OPCML: variants seen among roughly 807,000 people sequenced by gnomAD.
OPCML encodes the protein opioid-binding protein/cell adhesion molecule.
OPCML carries 13 observed loss-of-function variants against 37.8 expected under a neutral mutation model. That is an observed-to-expected ratio of 0.34 (90% CI 0.22 to 0.55). OPCML has a LOEUF of 0.55. Among genes scored for constraint, OPCML ranks in the 20% least tolerant of loss-of-function variants. The pLI is 0.91. For missense variants in OPCML, 341 were observed against 435.6 expected (o/e 0.78, Z 1.93); for synonymous variants, 176 against 168.8 (o/e 1.04, Z -0.33).
At chr11:133,121,388 C>T (rs1049902162) in intron 1 of OPCML, among the ~76,000 whole-genome samples, 17 of 152,190 alleles carry the variant, frequency 1.1e-4, no homozygotes, top group African/African-American at 4.1e-4. Context: ...TAGTGAATGC[C>T]TGCCAAGAAT....
At chr11:133,421,179 A>T (rs1268050274) in intron 1 of OPCML, 1 of 985,312 alleles carries the variant, frequency 1.0e-6, no homozygotes, top group Non-Finnish European at 1.2e-6. Context: ...CTGTATAATG[A>T]TAGCTCTCAG....
intron 1 of OPCML, among the ~76,000 whole-genome samples, chr11:133,278,145 G>A (rs1307496013): frequency 6.6e-6 from 1 of 152,110 alleles, no homozygotes; most frequent in Non-Finnish European, 1.5e-5. Flanking sequence ...GCTCTTTTAA[G>A]CCTGCTTGAA....
At position 132,420,027 on chromosome 11, in the gene OPCML, GCT is replaced by G; in HGVS notation, c.*164_*165del. The G allele has an allele frequency of 3.9e-6, 1 of 254,274 alleles. No homozygotes were observed. 15.8% of individuals were successfully genotyped at this position (254,274 alleles called of 1,614,324 possible). A position where few individuals can be genotyped will look rare whatever the true frequency, so the allele number is the denominator to read the frequency against. Reference sequence around the variant, plus strand: ...CCCGCCCCCAACCCCACTCATTCAAGCTGGAAATAAAAGCAAACAAACAAATA... The same window carrying G: ...CCCGCCCCCAACCCCACTCATTCAAGGGAAATAAAAGCAAACAAACAAATA... On this transcript the variant is annotated 3_prime_UTR_variant, in exon 8 of 8. Coordinates refer to ENST00000524381, the MANE Select transcript of OPCML (RefSeq NM_001012393.5).
At chr11:133,063,389 AAGGTCCC>A in intron 1 of OPCML, among the ~76,000 whole-genome samples, 1 of 152,116 alleles carries the variant, frequency 6.6e-6, no homozygotes, top group Non-Finnish European at 1.5e-5. Context: ...GCTCTTAGAA[AAGGTCCC>A]AGGGAGCCAC....
intron 4 of OPCML, among the ~76,000 whole-genome samples, chr11:132,505,385 T>C (rs894924246): frequency 6.6e-6 from 1 of 152,162 alleles, no homozygotes; most frequent in African/African-American, 2.4e-5. Flanking sequence ...AAGTGGTAAG[T>C]TTTATGCTAT....
intron 2 of OPCML, among the ~76,000 whole-genome samples, chr11:132,805,647 AG>A (rs1279497438): frequency 6.6e-6 from 1 of 152,224 alleles, no homozygotes; most frequent in African/African-American, 2.4e-5. Context: ...AAAGGGAAAC[AG>A]TCAGCCCAGA....
intron 2 of OPCML, among the ~76,000 whole-genome samples, chr11:132,938,042 G>C (rs1945450366): frequency 6.6e-6 from 1 of 151,918 alleles, no homozygotes; most frequent in Non-Finnish European, 1.5e-5. Flanking sequence ...CTAACCAACT[G>C]CTGTGCCTGA....
At chr11:133,374,888 G>A (rs760763925) in intron 1 of OPCML, among the ~76,000 whole-genome samples, 5 of 152,136 alleles carry the variant, frequency 3.3e-5, no homozygotes, top group Admixed American at 6.5e-5. Context: ...TTGGGTCGGC[G>A]GCAGCTGAGA....
At chr11:132,442,195 G>A (rs2096038240) in intron 4 of OPCML, among the ~76,000 whole-genome samples, 2 of 152,154 alleles carry the variant, frequency 1.3e-5, no homozygotes. Flanking sequence ...ATATTTTTCT[G>A]TATCTTAGGC....
chr11:132,841,860 CAAAAAAAAAAAAA>C (rs71067402), intron 2 of OPCML, among the ~76,000 whole-genome samples: 6 of 34,694 alleles, frequency 1.7e-4, no homozygotes, highest in Admixed American at 4.7e-4. Context: ...CACTCTATCT[CAAAAAAAAAAAAA>C]AAAAAAAAAA....
chr11:132,623,866 G>A (rs1213283447), intron 3 of OPCML, among the ~76,000 whole-genome samples: 2 of 152,188 alleles, frequency 1.3e-5, no homozygotes, highest in Non-Finnish European at 2.9e-5. Context: ...ACTGTCACAA[G>A]TTTTCATTAC....
intron 1 of OPCML, among the ~76,000 whole-genome samples, chr11:133,471,845 G>C (rs912036268): frequency 2.0e-5 from 3 of 152,206 alleles, no homozygotes; most frequent in South Asian, 2.1e-4. Flanking sequence ...GTAGAGAAAA[G>C]ACACTTGTAG....
At chr11:132,954,147 G>T (rs199854644) in intron 1 of OPCML, among the ~76,000 whole-genome samples, 16 of 128,676 alleles carry the variant, frequency 1.2e-4, no homozygotes, top group Admixed American at 1.2e-3. Context: ...TTTTTTGTTT[G>T]TTTTGTTTTT....
chr11:133,006,167 G>A (rs113962097), intron 1 of OPCML: 8 of 969,418 alleles, frequency 8.3e-6, no homozygotes, highest in African/African-American at 3.5e-5. Context: ...TACTGAGGTC[G>A]AGCCTTGGGA....
At chr11:132,794,114 G>A (rs1938137447) in intron 2 of OPCML, among the ~76,000 whole-genome samples, 4 of 152,208 alleles carry the variant, frequency 2.6e-5, no homozygotes, top group Non-Finnish European at 4.4e-5. Flanking sequence ...GTTTCCAACC[G>A]CGTGCCCTTG....
chr11:132,505,314 A>G (rs2096254273), intron 4 of OPCML, among the ~76,000 whole-genome samples: 1 of 152,182 alleles, frequency 6.6e-6, no homozygotes, highest in South Asian at 2.1e-4. Context: ...AATGACTTCT[A>G]TTGTACAGCA....
intron 1 of OPCML, among the ~76,000 whole-genome samples, chr11:133,458,509 TAC>T (rs1946758081): frequency 8.4e-6 from 1 of 119,168 alleles, no homozygotes; most frequent in South Asian, 2.3e-4. Context: ...TGTGTGTATA[TAC>T]ACATATATAC....
rs182928245 is a variant in OPCML at position 133,405,877 on chromosome 11, A to G, written c.61+126387T>C. ...CTTAGTTAAAGAGTTTCATACTCAA[A>G]ACAAAACTTGGCAGAAAGTGCAGTC... On this transcript the variant is annotated intron_variant, in intron 1 of 7. Transcript: ENST00000524381. 2.6e-5 allele frequency among the ~76,000 whole-genome samples: 4 copies of G among 152,318 alleles called. No homozygotes were observed. In the East Asian group the frequency reaches 7.7e-4, roughly 29 times the overall value.
intron 3 of OPCML, among the ~76,000 whole-genome samples, chr11:132,555,984 G>T (rs1418541043): frequency 2.6e-5 from 4 of 152,056 alleles, no homozygotes; most frequent in South Asian, 2.1e-4. Flanking sequence ...TGTCACCAAG[G>T]CTGGAGTGAA....
Sources: allele counts gnomAD v4.1 joint callset (sites outside exome capture counted in the v4.1 genomes callset), GRCh38; gene constraint gnomAD v4.1.1; transcripts MANE v1.5; gene names NCBI Gene and HGNC (gene_info 2026-07-23, HGNC 2026-07-21).